Variants in HTR4 observed in about 807,000 individuals in gnomAD.
HTR4 encodes the protein 5-hydroxytryptamine (serotonin) receptor 4, G protein-coupled.
HTR4 carries 16 observed loss-of-function variants against 36.8 expected under a neutral mutation model. The observed-to-expected ratio is 0.43, with a 90% CI of 0.29 to 0.66. The LOEUF (loss-of-function observed/expected upper bound fraction) is 0.66. HTR4 is among the 30% of genes least tolerant of loss of function. The pLI, the probability that HTR4 is intolerant of heterozygous loss-of-function variation, is 0.13. For synonymous variants in HTR4, 189 were observed against 185.1 expected (o/e 1.02, Z -0.17); for missense variants, 438 against 490.9 (o/e 0.89, Z 1.02).
At chr5:148,540,398 G>A (rs1181107495) in intron 4 of HTR4, among the ~76,000 whole-genome samples, 1 of 44,824 alleles carries the variant, frequency 2.2e-5, no homozygotes, top group African/African-American at 6.4e-5. Context: ...TTTTATGTGT[G>A]TGTATATATA....
At position 148,510,038 on chromosome 5, in the gene HTR4, G is replaced by C; in HGVS notation, c.508-14C>G. 1 of 1,570,008 alleles carries C rather than the reference G, an allele frequency of 6.4e-7. No individual in the cohort carries two copies. The highest frequency in any genetic ancestry group is 8.7e-7 in the Non-Finnish European group (1 of 1,146,686). ...CCTCTTTTCTATCTGAGAGTTGGAGGGAGAGAGGAAATGAGGAAAGGAGGT... is the reference window on the plus strand; with the variant it reads ...CCTCTTTTCTATCTGAGAGTTGGAGCGAGAGAGGAAATGAGGAAAGGAGGT... On this transcript the variant is annotated splice_polypyrimidine_tract_variant and intron_variant, in intron 5 of 6. Coordinates refer to ENST00000377888, the MANE Select transcript of HTR4 (RefSeq NM_000870.7).
intron 2 of HTR4, among the ~76,000 whole-genome samples, chr5:148,568,734 T>C (rs988129680): frequency 6.6e-6 from 1 of 152,162 alleles, no homozygotes; most frequent in Admixed American, 6.6e-5. Flanking sequence ...TTAGTAAAGC[T>C]TTTTGGATGC....
intron 2 of HTR4, among the ~76,000 whole-genome samples, chr5:148,552,657 C>T (rs1759756681): frequency 6.6e-6 from 1 of 152,176 alleles, no homozygotes; most frequent in Admixed American, 6.5e-5. Flanking sequence ...AGCCAACAAA[C>T]ATTTTTCATT....
At chr5:148,553,182 G>A (rs767416798) in intron 2 of HTR4, among the ~76,000 whole-genome samples, 9 of 152,164 alleles carry the variant, frequency 5.9e-5, no homozygotes, top group Non-Finnish European at 1.3e-4. Flanking sequence ...GAGACAGTAT[G>A]TAAGGTGTCA....
At chr5:148,620,493 G>C (rs1752875890) in intron 2 of HTR4, among the ~76,000 whole-genome samples, 1 of 152,212 alleles carries the variant, frequency 6.6e-6, no homozygotes, top group Non-Finnish European at 1.5e-5. Flanking sequence ...CTGTAATGTG[G>C]CTGGACAGAA....
downstream of HTR4, chr5:148,476,855 A>G: frequency 6.5e-7 from 1 of 1,548,212 alleles, no homozygotes; most frequent in Admixed American, 1.9e-5. Flanking sequence ...ATAGGTCAAA[A>G]ACCTCATGCA....
At chr5:148,460,560 G>C (rs1026040978) in intron 5 of HTR4, among the ~76,000 whole-genome samples, 1 of 151,974 alleles carries the variant, frequency 6.6e-6, no homozygotes, top group African/African-American at 2.4e-5. Flanking sequence ...CAAAAGTAAA[G>C]GAGAAATAAG....
intron 1 of HTR4, among the ~76,000 whole-genome samples, chr5:148,646,675 AG>A (rs1192686864): frequency 3.3e-5 from 5 of 152,220 alleles, no homozygotes; most frequent in African/African-American, 1.2e-4. Context: ...CACAGAAGAA[AG>A]GGATCCTGGG....
intron 2 of HTR4, among the ~76,000 whole-genome samples, chr5:148,620,189 G>A (rs1403159241): frequency 6.6e-6 from 1 of 152,226 alleles, no homozygotes; most frequent in Non-Finnish European, 1.5e-5. Flanking sequence ...GGAGAAAAGG[G>A]AAGAAAAGTC....
intron 2 of HTR4, among the ~76,000 whole-genome samples, chr5:148,580,153 G>A (rs116464865): frequency 6.6e-4 from 101 of 152,126 alleles, no homozygotes; most frequent in African/African-American, 2.4e-3. Context: ...TCACTGCAGA[G>A]AAAAAGTCAA....
intron 5 of HTR4, among the ~76,000 whole-genome samples, chr5:148,510,959 C>A (rs982932911): frequency 6.6e-6 from 1 of 152,140 alleles, no homozygotes; most frequent in African/African-American, 2.4e-5. Flanking sequence ...GACTTTGGAA[C>A]CCAACCAGAG....
chr5:148,550,908 C>T (rs1352235822), intron 2 of HTR4, among the ~76,000 whole-genome samples: 2 of 152,186 alleles, frequency 1.3e-5, no homozygotes, highest in Non-Finnish European at 2.9e-5. Flanking sequence ...ATTAACTTAT[C>T]ACAAGATCCA....
At chr5:148,645,690 C>T (rs1753860153) in intron 1 of HTR4, 3 of 152,202 alleles carry the variant, frequency 2.0e-5, no homozygotes, top group Middle Eastern at 3.2e-3. Flanking sequence ...AATGAATACT[C>T]ACAAAGCAGG....
chr5:148,603,303 A>G (rs1412639339), intron 2 of HTR4, among the ~76,000 whole-genome samples: 1 of 152,028 alleles, frequency 6.6e-6, no homozygotes, highest in Non-Finnish European at 1.5e-5. Context: ...CACCACCTCA[A>G]AAAAAGCATT....
intron 6 of HTR4, among the ~76,000 whole-genome samples, chr5:148,490,099 T>C (rs146954744): frequency 2.5e-4 from 38 of 150,898 alleles, no homozygotes; most frequent in African/African-American, 8.2e-4. Flanking sequence ...ATTCTAGAAC[T>C]CACCCTTTTG....
At chr5:148,492,821 A>G (rs972719721) in intron 6 of HTR4, among the ~76,000 whole-genome samples, 3 of 152,112 alleles carry the variant, frequency 2.0e-5, no homozygotes, top group African/African-American at 7.2e-5. Flanking sequence ...CTCAGACAGG[A>G]CTGAAACCCA....
At position 148,481,992 on chromosome 5, in the gene HTR4, C is replaced by A. The variant is rs2113716354; in HGVS notation, c.*1211G>T. The A allele has an allele frequency of 9.9e-7, 1 of 1,008,332 alleles. No individual in the cohort carries two copies. Among genetic ancestry groups the A allele is most frequent in the East Asian group, 9.9e-5 (1 of 10,062 alleles). The allele number at this position is 1,008,332 out of a possible 1,614,324, so 62.5% of individuals were successfully genotyped here. ...TAGCAGCATACTGTTGTCTTAGAAA[C>A]AGAAAGAAAACTTAAAGGTCCTCTA... On this transcript the variant is annotated 3_prime_UTR_variant, in exon 7 of 7. Coordinates refer to ENST00000377888, the MANE Select transcript of HTR4 (RefSeq NM_000870.7).
At chr5:148,619,505 A>C (rs1447824194) in intron 2 of HTR4, among the ~76,000 whole-genome samples, 1 of 152,160 alleles carries the variant, frequency 6.6e-6, no homozygotes, top group Non-Finnish European at 1.5e-5. Flanking sequence ...AATTCAAAAC[A>C]AACTTGTTTT....
chr5:148,574,272 A>T (rs1291621451), intron 2 of HTR4, among the ~76,000 whole-genome samples: 1 of 152,090 alleles, frequency 6.6e-6, no homozygotes, highest in African/African-American at 2.4e-5. Context: ...ACAGGACAGC[A>T]AATGGTTGGG....
Sources: allele counts gnomAD v4.1 joint callset (sites outside exome capture counted in the v4.1 genomes callset), GRCh38; gene constraint gnomAD v4.1.1; transcripts MANE v1.5; gene names NCBI Gene and HGNC (gene_info 2026-07-23, HGNC 2026-07-21).